ESRP1: variants seen among roughly 807,000 people sequenced by gnomAD.
The protein encoded by ESRP1 is epithelial splicing regulatory protein 1.
Under a neutral mutation model 81.7 loss-of-function variants are expected in ESRP1, and 33 were observed. The ratio of observed to expected loss-of-function variants is 0.40; its 90% CI spans 0.31 to 0.54. The LOEUF is 0.54. ESRP1 is among the 20% of genes least tolerant of loss of function. The probability of loss-of-function intolerance (pLI) is 0.41; values close to 1 mark genes in which losing one functional copy is unlikely to be tolerated. For synonymous variants in ESRP1, 320 were observed against 303.3 expected (o/e 1.06, Z -0.57); for missense variants, 672 against 833.1 (o/e 0.81, Z 2.38).
intron 4 of ESRP1, among the ~76,000 whole-genome samples, chr8:94,656,964 A>G (rs1164104149): frequency 6.6e-6 from 1 of 152,246 alleles, no homozygotes; most frequent in African/African-American, 2.4e-5. Flanking sequence ...TTGATAAACC[A>G]TAAAATTTCT....
chr8:94,660,596 G>A (rs1009444639), intron 4 of ESRP1, among the ~76,000 whole-genome samples: 2 of 151,518 alleles, frequency 1.3e-5, no homozygotes, highest in African/African-American at 4.8e-5. Context: ...AAATTAGCTG[G>A]GTATGGTGGC....
chr8:94,687,965 G>T (rs1317341732), intron 13 of ESRP1, among the ~76,000 whole-genome samples: 1 of 151,882 alleles, frequency 6.6e-6, no homozygotes, highest in Non-Finnish European at 1.5e-5. Flanking sequence ...CTAACCCAGG[G>T]TCACAAAGAT....
At chr8:94,697,649 T>C (rs1215848777) in intron 15 of ESRP1, among the ~76,000 whole-genome samples, 1 of 152,276 alleles carries the variant, frequency 6.6e-6, no homozygotes, top group Non-Finnish European at 1.5e-5. Flanking sequence ...ATGGTGCTGA[T>C]GTGAGCACTC....
intron 15 of ESRP1, among the ~76,000 whole-genome samples, chr8:94,699,681 C>T (rs961008847): frequency 6.6e-6 from 1 of 152,016 alleles, no homozygotes; most frequent in Non-Finnish European, 1.5e-5. Flanking sequence ...AAATACTTGG[C>T]ATAATTTATC....
chr8:94,673,832 T>C (rs13258807), intron 11 of ESRP1, among the ~76,000 whole-genome samples: 31,227 of 151,994 alleles, frequency 0.21, 4,055 homozygotes, highest in African/African-American at 0.37. Context: ...GAAAGGGATA[T>C]GGCAGGTCAG....
chr8:94,670,853 A>G (rs953576873), intron 10 of ESRP1, among the ~76,000 whole-genome samples: 1 of 152,192 alleles, frequency 6.6e-6, no homozygotes, highest in Non-Finnish European at 1.5e-5. Context: ...ACGGTCAACA[A>G]ATGATTCTTT....
At chr8:94,699,874 TC>T (rs1204830911) in intron 15 of ESRP1, among the ~76,000 whole-genome samples, 2 of 147,256 alleles carry the variant, frequency 1.4e-5, no homozygotes, top group Non-Finnish European at 3.0e-5. Flanking sequence ...GAACCTTGTT[TC>T]TTTCCCCTTA....
chr8:94,671,556 G>A lies in ESRP1; in HGVS notation c.1337G>A (p.Cys446Tyr), dbSNP rs1819326969. The change falls in exon 11 of 16, where the codon TGT becomes TAT. Residue 446 changes from cysteine (C) to tyrosine (Y), a missense_variant. Coordinates refer to ENST00000433389, the MANE Select transcript of ESRP1 (RefSeq NM_017697.4). ...QFVPPTNVRD[C>Y]IRLRGLPYAA... ...GTGCCCCCTACAAATGTTAGAGACTGTATACGCCTTCGAGGTCTTCCCTAT... is the reference window on the plus strand; with the variant it reads ...GTGCCCCCTACAAATGTTAGAGACTATATACGCCTTCGAGGTCTTCCCTAT... 4.3e-6 allele frequency: 7 copies of A among 1,613,906 alleles called. No individual in the cohort carries two copies. Among genetic ancestry groups the A allele is most frequent in the Non-Finnish European group, 2.5e-6 (3 of 1,179,870 alleles).
intron 4 of ESRP1, among the ~76,000 whole-genome samples, chr8:94,647,603 C>T (rs1817914060): frequency 6.6e-6 from 1 of 152,136 alleles, no homozygotes; most frequent in Admixed American, 6.6e-5. Context: ...TCTAATTAGA[C>T]CCCTCCACCC....
rs1483937257 is a variant in ESRP1 at position 94,707,316 on chromosome 8, A to G, written c.*1427A>G. 4 of 152,208 alleles carry G rather than the reference A, an allele frequency of 2.6e-5. No individual in the cohort carries two copies. The highest frequency in any genetic ancestry group is 5.9e-5 in the Non-Finnish European group (4 of 68,028). 9.4% of individuals were successfully genotyped at this position (152,208 alleles called of 1,614,324 possible). A position where few individuals can be genotyped will look rare whatever the true frequency, so the allele number is the denominator to read the frequency against. ...TGGTGATAACTGGCACTTAAGATCGAAAAGAAATTTCTGTATACTTGATGC... is the reference window on the plus strand; with the variant it reads ...TGGTGATAACTGGCACTTAAGATCGGAAAGAAATTTCTGTATACTTGATGC... On this transcript the variant is annotated 3_prime_UTR_variant, in exon 16 of 16. Coordinates refer to ENST00000433389, the MANE Select transcript of ESRP1 (RefSeq NM_017697.4).
chr8:94,692,108 C>T (rs1809425094), intron 13 of ESRP1, among the ~76,000 whole-genome samples: 1 of 152,126 alleles, frequency 6.6e-6, no homozygotes, highest in South Asian at 2.1e-4. Context: ...TTTTATGTAT[C>T]TCTTCCAACG....
intron 10 of ESRP1, among the ~76,000 whole-genome samples, chr8:94,670,590 C>T (rs1819266670): frequency 6.6e-6 from 1 of 152,122 alleles, no homozygotes; most frequent in South Asian, 2.1e-4. Context: ...TTCAGAAAAC[C>T]TGGAGATGCC....
intron 13 of ESRP1, 48 bp downstream of exon 13, chr8:94,678,419 C>T: frequency 6.3e-7 from 1 of 1,585,390 alleles, no homozygotes; most frequent in Non-Finnish European, 8.6e-7. Context: ...CAAAGGACTC[C>T]TTTGATAGCC....
chr8:94,674,603 G>T, intron 12 of ESRP1, 97 bp downstream of exon 12: 1 of 1,142,058 alleles, frequency 8.8e-7, no homozygotes, highest in Non-Finnish European at 1.2e-6. Context: ...TCTTTCTGAG[G>T]CAGGTGAGGT....
At chr8:94,682,930 A>ATT (rs1232193489) in intron 13 of ESRP1, among the ~76,000 whole-genome samples, 106 of 28,738 alleles carry the variant, frequency 3.7e-3, no homozygotes, top group Non-Finnish European at 4.2e-3. Flanking sequence ...ATATATATAT[A>ATT]TATTTTTTTT....
intron 4 of ESRP1, among the ~76,000 whole-genome samples, chr8:94,655,384 G>A (rs1423092157): frequency 7.2e-6 from 1 of 138,328 alleles, no homozygotes; most frequent in Non-Finnish European, 1.5e-5. Flanking sequence ...ACCACACTTG[G>A]CATCTTTTTT....
chr8:94,697,071 T>TA (rs1311395946), intron 15 of ESRP1, 110 bp downstream of exon 15: 1 of 709,754 alleles, frequency 1.4e-6, no homozygotes, highest in Non-Finnish European at 2.2e-6. Context: ...TAGTGTAATG[T>TA]AAAATATCAG....
intron 3 of ESRP1, 69 bp from the exon 4 acceptor site, chr8:94,646,099 T>C: frequency 1.3e-6 from 1 of 787,844 alleles, no homozygotes. Context: ...AATTTTTAGG[T>C]TCCTAATTGT....
intron 9 of ESRP1, 78 bp from the exon 10 acceptor site, chr8:94,667,871 A>G (rs1586208198): frequency 4.9e-6 from 6 of 1,236,460 alleles, no homozygotes; most frequent in Admixed American, 2.5e-5. Flanking sequence ...CATTGGCAGG[A>G]CTTTTATCAC....
Sources: allele counts gnomAD v4.1 joint callset (sites outside exome capture counted in the v4.1 genomes callset), GRCh38; gene constraint gnomAD v4.1.1; transcripts MANE v1.5; gene names NCBI Gene and HGNC (gene_info 2026-07-23, HGNC 2026-07-21).